Variants in KHDRBS2 observed in about 807,000 individuals in gnomAD.
KHDRBS2 encodes the protein KH RNA binding domain containing, signal transduction associated 2.
A neutral mutation model predicts 44.3 loss-of-function variants in KHDRBS2; 26 were observed. The observed-to-expected ratio is 0.59, with a 90% CI of 0.43 to 0.81. The LOEUF (loss-of-function observed/expected upper bound fraction) is 0.81, where lower values mean the gene tolerates loss of function less well. Among genes scored for constraint, KHDRBS2 ranks in the 40% least tolerant of loss-of-function variants. The probability of loss-of-function intolerance (pLI) is 0.00; values close to 1 mark genes in which losing one functional copy is unlikely to be tolerated. For missense variants in KHDRBS2, 476 were observed against 433.1 expected (o/e 1.10, Z -0.88); for synonymous variants, 194 against 151.1 (o/e 1.28, Z -2.08).
intron 4 of KHDRBS2, among the ~76,000 whole-genome samples, chr6:61,952,217 T>A (rs931895773): frequency 2.0e-5 from 3 of 151,962 alleles, no homozygotes; most frequent in African/African-American, 7.2e-5. Flanking sequence ...AAAGGGTGGG[T>A]TAGGAGAACT....
At chr6:61,949,598 C>T (rs754950061) in intron 4 of KHDRBS2, among the ~76,000 whole-genome samples, 7 of 152,010 alleles carry the variant, frequency 4.6e-5, no homozygotes, top group South Asian at 2.1e-4. Flanking sequence ...TTGGAAAATA[C>T]GTTGGTAATG....
chr6:62,154,655 AT>A lies in KHDRBS2; in HGVS notation c.219+22529del, dbSNP rs375021449. On this transcript the variant is annotated intron_variant, in intron 2 of 8. Transcript: ENST00000281156. ...AAAAAAGGGAATGAATGATTCATGG[AT>A]AAAGGAGTTAAAAAATCAAGGGAGC... Among the ~76,000 whole-genome samples, 720 of 152,328 alleles carry A rather than the reference AT, an allele frequency of 4.7e-3. 7 individuals are homozygous for A. The highest frequency in any genetic ancestry group is 0.016 in the African/African-American group (684 of 41,586).
At position 61,896,014 on chromosome 6, in the gene KHDRBS2, T is replaced by C. The variant is rs549470041; in HGVS notation, c.612-1181A>G. Among the ~76,000 whole-genome samples the C allele has an allele frequency of 3.9e-5, 6 of 152,280 alleles. No homozygotes were observed. In the South Asian group the frequency reaches 1.0e-3, roughly 26 times the overall value. On this transcript the variant is annotated intron_variant, in intron 5 of 8. Coordinates refer to ENST00000281156, the MANE Select transcript of KHDRBS2 (RefSeq NM_152688.4). ...GAGAATTTATTGTGAGTCTAATGTATAAAGAATACTCTCCTAGATTGGGAG... is the reference window on the plus strand; with the variant it reads ...GAGAATTTATTGTGAGTCTAATGTACAAAGAATACTCTCCTAGATTGGGAG...
chr6:61,571,179 C>T, the KHDRBS2 span, among the ~76,000 whole-genome samples: 2 of 151,870 alleles, frequency 1.3e-5, no homozygotes, highest in African/African-American at 4.8e-5. Context: ...AAGAGACTCG[C>T]CTAATATATA....
At chr6:61,651,636 C>T in the KHDRBS2 span, among the ~76,000 whole-genome samples, 1 of 152,064 alleles carries the variant, frequency 6.6e-6, no homozygotes, top group East Asian at 1.9e-4. Flanking sequence ...CATATCTTGT[C>T]CACAATCTCA....
At chr6:61,690,607 AG>A (rs1767292979) in intron 8 of KHDRBS2, among the ~76,000 whole-genome samples, 1 of 152,076 alleles carries the variant, frequency 6.6e-6, no homozygotes, top group African/African-American at 2.4e-5. Flanking sequence ...TTGTTCAAAA[AG>A]GTAGTTACTT....
At chr6:62,075,640 T>A (rs1796180108) in intron 2 of KHDRBS2, among the ~76,000 whole-genome samples, 1 of 151,998 alleles carries the variant, frequency 6.6e-6, no homozygotes. Flanking sequence ...TTTTTCCTCC[T>A]GCTTTCTTTG....
At chr6:62,047,038 A>G (rs1410311399) in intron 3 of KHDRBS2, among the ~76,000 whole-genome samples, 1 of 151,916 alleles carries the variant, frequency 6.6e-6, no homozygotes, top group Admixed American at 6.6e-5. Flanking sequence ...TCTCATTAAC[A>G]CAGATGCAGG....
chr6:61,559,491 C>T, the KHDRBS2 span, among the ~76,000 whole-genome samples: 23 of 152,044 alleles, frequency 1.5e-4, no homozygotes, highest in African/African-American at 5.1e-4. Flanking sequence ...GTGGTCTTCT[C>T]TTCTTTCTGG....
chr6:61,955,405 T>G, intron 4 of KHDRBS2, among the ~76,000 whole-genome samples: 1 of 31,916 alleles, frequency 3.1e-5, no homozygotes, highest in African/African-American at 4.2e-4. Flanking sequence ...TATGTATACA[T>G]ATACGTGTAT....
At chr6:61,997,979 AC>A (rs1777535128) in intron 3 of KHDRBS2, among the ~76,000 whole-genome samples, 1 of 152,196 alleles carries the variant, frequency 6.6e-6, no homozygotes. Context: ...ACTGGAATTA[AC>A]CGGCCTGGTT....
intron 6 of KHDRBS2, among the ~76,000 whole-genome samples, chr6:61,757,447 T>C (rs2127571254): frequency 6.6e-6 from 1 of 152,314 alleles, no homozygotes; most frequent in South Asian, 2.1e-4. Flanking sequence ...GCATCCTTTA[T>C]AATTAACTTA....
chr6:62,106,028 G>T (rs187753610), intron 2 of KHDRBS2, among the ~76,000 whole-genome samples: 2 of 152,064 alleles, frequency 1.3e-5, no homozygotes, highest in Non-Finnish European at 2.9e-5. Context: ...CCTTCATTTC[G>T]TTATGTACCC....
At chr6:62,263,467 G>A (rs765218715) in intron 1 of KHDRBS2, among the ~76,000 whole-genome samples, 1 of 151,496 alleles carries the variant, frequency 6.6e-6, no homozygotes, top group Non-Finnish European at 1.5e-5. Flanking sequence ...CATGATTAAT[G>A]TTTACTGTAA....
chr6:62,223,268 G>A (rs139353151), intron 1 of KHDRBS2, among the ~76,000 whole-genome samples: 473 of 152,326 alleles, frequency 3.1e-3, no homozygotes, highest in Non-Finnish European at 5.3e-3. Flanking sequence ...TGGGGCTTGC[G>A]CCTTCTGAAG....
chr6:62,224,445 A>G (rs1831423433), intron 1 of KHDRBS2, among the ~76,000 whole-genome samples: 1 of 152,130 alleles, frequency 6.6e-6, no homozygotes, highest in Admixed American at 6.6e-5. Flanking sequence ...GTATGGGAAT[A>G]CGACTCCCTA....
the KHDRBS2 span, among the ~76,000 whole-genome samples, chr6:61,555,204 C>A: frequency 2.0e-5 from 3 of 151,926 alleles, no homozygotes; most frequent in Non-Finnish European, 4.4e-5. Context: ...GTTCATTCAA[C>A]TTTATTATTT....
At chr6:61,778,464 G>T (rs997284601) in intron 6 of KHDRBS2, among the ~76,000 whole-genome samples, 7 of 151,988 alleles carry the variant, frequency 4.6e-5, no homozygotes, top group African/African-American at 1.5e-4. Flanking sequence ...AGAAATTCAG[G>T]TACCATGTAA....
the KHDRBS2 span, among the ~76,000 whole-genome samples, chr6:61,550,889 A>C: frequency 6.7e-6 from 1 of 149,734 alleles, no homozygotes; most frequent in East Asian, 2.0e-4. Context: ...TCTCCTCCTC[A>C]TCTTCCCAAG....
Sources: allele counts gnomAD v4.1 joint callset (sites outside exome capture counted in the v4.1 genomes callset), GRCh38; gene constraint gnomAD v4.1.1; transcripts MANE v1.5; gene names NCBI Gene and HGNC (gene_info 2026-07-23, HGNC 2026-07-21).